HS6ST3: variants seen among roughly 807,000 people sequenced by gnomAD.
HS6ST3 encodes heparan-sulfate 6-O-sulfotransferase 3.
In HS6ST3, 12 loss-of-function variants were observed where a neutral mutation model predicts 36.7. The ratio of observed to expected loss-of-function variants is 0.33; its 90% CI spans 0.21 to 0.53. HS6ST3 has a LOEUF of 0.53. Among genes scored for constraint, HS6ST3 ranks in the 20% least tolerant of loss-of-function variants. The probability of loss-of-function intolerance (pLI) is 0.95; values close to 1 mark genes in which losing one functional copy is unlikely to be tolerated. For missense variants in HS6ST3, 584 were observed against 640.9 expected, an observed-to-expected ratio of 0.91 and a Z score of 0.96; for synonymous variants, 240 against 257.5, an observed-to-expected ratio of 0.93 and a Z score of 0.65.
At chr13:96,657,803 G>C (rs2049477670) in intron 1 of HS6ST3, among the ~76,000 whole-genome samples, 1 of 152,134 alleles carries the variant, frequency 6.6e-6, no homozygotes, top group African/African-American at 2.4e-5. Flanking sequence ...GTTTTATCCA[G>C]TGGAAATTCA....
At chr13:96,776,534 C>T (rs986899192) in intron 1 of HS6ST3, among the ~76,000 whole-genome samples, 3 of 152,072 alleles carry the variant, frequency 2.0e-5, no homozygotes, top group Non-Finnish European at 4.4e-5. Flanking sequence ...CACAGAAATA[C>T]GAACTACCAT....
At chr13:96,358,445 T>G (rs1159593727) in intron 1 of HS6ST3, among the ~76,000 whole-genome samples, 1 of 152,178 alleles carries the variant, frequency 6.6e-6, no homozygotes, top group African/African-American at 2.4e-5. Flanking sequence ...ATGTTACATC[T>G]GGTCTCATCA....
chr13:96,529,152 T>G (rs2056126009), intron 1 of HS6ST3, among the ~76,000 whole-genome samples: 1 of 152,034 alleles, frequency 6.6e-6, no homozygotes, highest in Non-Finnish European at 1.5e-5. Flanking sequence ...ATTTAAGGAG[T>G]CCTTGAAGCC....
intron 1 of HS6ST3, among the ~76,000 whole-genome samples, chr13:96,326,725 C>T (rs2055033961): frequency 6.6e-6 from 1 of 152,070 alleles, no homozygotes; most frequent in Non-Finnish European, 1.5e-5. Context: ...AATGGTATTT[C>T]TAGTTCTAGA....
At chr13:96,149,943 G>A (rs2054076843) in intron 1 of HS6ST3, among the ~76,000 whole-genome samples, 1 of 152,184 alleles carries the variant, frequency 6.6e-6, no homozygotes, top group African/African-American at 2.4e-5. Flanking sequence ...ATTGCTAGTG[G>A]TGGTGTTACG....
chr13:96,463,917 G>T (rs2055797773), intron 1 of HS6ST3, among the ~76,000 whole-genome samples: 1 of 151,420 alleles, frequency 6.6e-6, no homozygotes, highest in Non-Finnish European at 1.5e-5. Flanking sequence ...GTGTTGTGAG[G>T]TTATACCAGT....
intron 1 of HS6ST3, among the ~76,000 whole-genome samples, chr13:96,519,060 G>A (rs1460911446): frequency 1.3e-5 from 2 of 152,130 alleles, no homozygotes; most frequent in Non-Finnish European, 2.9e-5. Flanking sequence ...ATTTTTATTG[G>A]TAAGTTGTCT....
At chr13:96,394,306 C>T (rs2389661) in intron 1 of HS6ST3, among the ~76,000 whole-genome samples, 124,180 of 150,510 alleles carry the variant, frequency 0.83, 51,597 homozygotes, top group Non-Finnish European at 0.87. Flanking sequence ...ATTTTTGTAT[C>T]TTTTAGAATG....
intron 1 of HS6ST3, among the ~76,000 whole-genome samples, chr13:96,189,308 G>A (rs1348812552): frequency 6.6e-6 from 1 of 152,072 alleles, no homozygotes; most frequent in African/African-American, 2.4e-5. Context: ...AGTCATGGGG[G>A]TTGTAACAGA....
intron 1 of HS6ST3, among the ~76,000 whole-genome samples, chr13:96,130,357 A>G (rs1032840843): frequency 2.0e-5 from 3 of 152,124 alleles, no homozygotes; most frequent in Non-Finnish European, 4.4e-5. Flanking sequence ...CAGTGGGAAT[A>G]TTGTTGGCAA....
intron 1 of HS6ST3, among the ~76,000 whole-genome samples, chr13:96,221,367 A>AT (rs923191710): frequency 2.8e-4 from 42 of 152,244 alleles, no homozygotes; most frequent in African/African-American, 9.1e-4. Context: ...TTATTGTTTC[A>AT]TTGCCTGTGG....
chr13:96,546,328 G>T (rs1450024051), intron 1 of HS6ST3, among the ~76,000 whole-genome samples: 1 of 149,196 alleles, frequency 6.7e-6, no homozygotes, highest in Admixed American at 6.6e-5. Context: ...GTGTGTGTGT[G>T]TGTTCACACT....
intron 1 of HS6ST3, among the ~76,000 whole-genome samples, chr13:96,556,722 GT>G (rs545544078): frequency 6.6e-6 from 1 of 152,138 alleles, no homozygotes; most frequent in Non-Finnish European, 1.5e-5. Flanking sequence ...AGGTGAGGCA[GT>G]TTTTATCCTG....
At chr13:96,753,423 T>C (rs1040172236) in intron 1 of HS6ST3, among the ~76,000 whole-genome samples, 2 of 152,210 alleles carry the variant, frequency 1.3e-5, no homozygotes, top group African/African-American at 4.8e-5. Flanking sequence ...ATATCCACAA[T>C]GATCTACATC....
At chr13:96,730,774 T>C (rs887784711) in intron 1 of HS6ST3, among the ~76,000 whole-genome samples, 1 of 151,316 alleles carries the variant, frequency 6.6e-6, no homozygotes, top group Non-Finnish European at 1.5e-5. Flanking sequence ...CACTCTGTGG[T>C]CCAGGCTGGA....
chr13:96,698,685 G>T (rs1875199478), intron 1 of HS6ST3, among the ~76,000 whole-genome samples: 1 of 152,054 alleles, frequency 6.6e-6, no homozygotes, highest in Admixed American at 6.6e-5. Flanking sequence ...TACTGCCCAA[G>T]GTAATTTATA....
At chr13:96,267,137 T>G in intron 1 of HS6ST3, among the ~76,000 whole-genome samples, 1 of 152,294 alleles carries the variant, frequency 6.6e-6, no homozygotes, top group Admixed American at 6.5e-5. Context: ...CTGCACATGC[T>G]TTCTTGCCTG....
chr13:96,474,979 T>C (rs2055856666), intron 1 of HS6ST3, among the ~76,000 whole-genome samples: 1 of 152,206 alleles, frequency 6.6e-6, no homozygotes, highest in Admixed American at 6.5e-5. Flanking sequence ...CATGTTATCT[T>C]ATGGGGAAGC....
chr13:96,326,214 A>T (rs1484874582), intron 1 of HS6ST3, among the ~76,000 whole-genome samples: 2 of 150,106 alleles, frequency 1.3e-5, no homozygotes, highest in Non-Finnish European at 3.0e-5. Context: ...TTTAGGGTAC[A>T]TGTGCACAAT....
Sources: gnomAD v4.1 joint callset for allele counts (sites outside exome capture counted in the v4.1 genomes callset) on GRCh38, gnomAD v4.1.1 for gene constraint, MANE v1.5 for transcripts, NCBI Gene and HGNC (gene_info 2026-07-23, HGNC 2026-07-21) for gene names.